The following LARGE1 variants were observed in gnomAD, a reference collection of about 807,000 sequenced individuals.
The protein encoded by LARGE1 is xylosyl- and glucuronyltransferase LARGE1.
LARGE1 carries 43 observed loss-of-function variants against 87.6 expected under a neutral mutation model. The ratio of observed to expected loss-of-function variants is 0.49; its 90% CI spans 0.38 to 0.63. LARGE1 has a LOEUF of 0.63. Among genes scored for constraint, LARGE1 ranks in the 30% least tolerant of loss-of-function variants. The pLI, the probability that LARGE1 is intolerant of heterozygous loss-of-function variation, is 0.00. For missense variants in LARGE1, 802 were observed against 1,000.2 expected, an observed-to-expected ratio of 0.80 and a Z score of 2.67; for synonymous variants, 434 against 394.6, an observed-to-expected ratio of 1.10 and a Z score of -1.18.
chr22:33,638,870 A>AGTAC (rs2080346939), intron 3 of LARGE1, among the ~76,000 whole-genome samples: 1 of 152,244 alleles, frequency 6.6e-6, no homozygotes, highest in South Asian at 2.1e-4. Context: ...AGGAAAAATG[A>AGTAC]GTACTTCCTT....
At chr22:33,181,534 CTT>C (rs137369) in intron 11 of LARGE1, among the ~76,000 whole-genome samples, 3 of 145,982 alleles carry the variant, frequency 2.1e-5, no homozygotes, top group Admixed American at 6.9e-5. Flanking sequence ...CTACATTACT[CTT>C]TTTTTTTTTT....
chr22:33,425,099 T>C lies in LARGE1; in HGVS notation c.892+7062A>G, dbSNP rs567577816. Reference sequence around the variant, plus strand: ...CAACGTGGTGAAACCTCACCTCCACTAAAAATACAAAAATTAGCCAGGTGT... The same window carrying C: ...CAACGTGGTGAAACCTCACCTCCACCAAAAATACAAAAATTAGCCAGGTGT... On this transcript the variant is annotated intron_variant, in intron 7 of 14. Coordinates refer to ENST00000397394, the MANE Select transcript of LARGE1 (RefSeq NM_133642.5). 8.6e-5 allele frequency among the ~76,000 whole-genome samples: 13 copies of C among 151,834 alleles called. No individual in the cohort carries two copies. The East Asian group carries it at 2.5e-3, about 30-fold the overall frequency.
intron 2 of LARGE1, among the ~76,000 whole-genome samples, chr22:33,671,551 A>T (rs1382366101): frequency 6.6e-6 from 1 of 152,224 alleles, no homozygotes; most frequent in Non-Finnish European, 1.5e-5. Flanking sequence ...TATTATTACC[A>T]AAGCTTATGC....
intron 2 of LARGE1, among the ~76,000 whole-genome samples, chr22:33,704,289 T>TA (rs2082491353): frequency 6.6e-6 from 1 of 152,226 alleles, no homozygotes; most frequent in Non-Finnish European, 1.5e-5. Context: ...TGTGACCCAG[T>TA]ACAAGCACGG....
At chr22:33,412,373 T>A (rs2066335306) in intron 7 of LARGE1, among the ~76,000 whole-genome samples, 1 of 151,996 alleles carries the variant, frequency 6.6e-6, no homozygotes, top group Admixed American at 6.6e-5. Flanking sequence ...AAGAAAGAAA[T>A]CCCCTGATGG....
intron 4 of LARGE1, among the ~76,000 whole-genome samples, chr22:33,607,914 G>C (rs1244074954): frequency 6.6e-6 from 1 of 152,282 alleles, no homozygotes; most frequent in East Asian, 1.9e-4. Flanking sequence ...CATGCTCAGG[G>C]GAAAGGGGCA....
At chr22:33,160,342 C>A (rs1347938514), downstream of LARGE1, among the ~76,000 whole-genome samples, 3 of 152,098 alleles carry the variant, frequency 2.0e-5, no homozygotes, top group East Asian at 5.8e-4. Flanking sequence ...AGAAGCTGAC[C>A]CTTCCATATT....
At chr22:33,331,862 T>C (rs567633582) in intron 10 of LARGE1, among the ~76,000 whole-genome samples, 1 of 152,276 alleles carries the variant, frequency 6.6e-6, no homozygotes, top group East Asian at 1.9e-4. Context: ...CCTTCACTCC[T>C]ACTTATTCAA....
the LARGE1 span, among the ~76,000 whole-genome samples, chr22:33,073,000 G>A: frequency 6.6e-5 from 10 of 152,104 alleles, no homozygotes; most frequent in Non-Finnish European, 1.2e-4. Context: ...TCCTGCGGCC[G>A]TCTCGAGGGA....
At chr22:33,839,926 A>C (rs1224131751) in intron 1 of LARGE1, among the ~76,000 whole-genome samples, 1 of 152,190 alleles carries the variant, frequency 6.6e-6, no homozygotes, top group Non-Finnish European at 1.5e-5. Flanking sequence ...CCAGGCTTCA[A>C]ACCCAGATGC....
intron 3 of LARGE1, among the ~76,000 whole-genome samples, chr22:33,641,419 G>A (rs1425242530): frequency 6.6e-6 from 1 of 152,126 alleles, no homozygotes; most frequent in Non-Finnish European, 1.5e-5. Context: ...CTACGAAGAT[G>A]AAGAAAAACC....
chr22:33,327,607 G>A (rs1307370602), intron 10 of LARGE1, among the ~76,000 whole-genome samples: 1 of 152,212 alleles, frequency 6.6e-6, no homozygotes. Flanking sequence ...TCAGGCTAGA[G>A]TGTGGTGGTG....
chr22:33,691,697 C>T (rs1020304155), intron 2 of LARGE1, among the ~76,000 whole-genome samples: 1 of 152,182 alleles, frequency 6.6e-6, no homozygotes, highest in Non-Finnish European at 1.5e-5. Flanking sequence ...TAAGCATTTG[C>T]AAAGGCCATG....
chr22:33,705,361 C>A (rs906122384), intron 2 of LARGE1, among the ~76,000 whole-genome samples: 2 of 152,144 alleles, frequency 1.3e-5, no homozygotes, highest in Non-Finnish European at 2.9e-5. Context: ...GTTGAAGGGT[C>A]TATCATGGAG....
intron 6 of LARGE1, among the ~76,000 whole-genome samples, chr22:33,496,932 T>C (rs891065015): frequency 6.6e-6 from 1 of 152,208 alleles, no homozygotes; most frequent in Non-Finnish European, 1.5e-5. Context: ...TTGCTTTCTG[T>C]TTATTTTTGT....
At chr22:33,750,522 G>C (rs1178848792) in intron 2 of LARGE1, 4 of 151,814 alleles carry the variant, frequency 2.6e-5, no homozygotes, top group Non-Finnish European at 5.9e-5. Flanking sequence ...TATTGTTATA[G>C]TTTAAATAGT....
intron 2 of LARGE1, among the ~76,000 whole-genome samples, chr22:33,663,796 C>T (rs2081195203): frequency 6.6e-6 from 1 of 152,194 alleles, no homozygotes; most frequent in African/African-American, 2.4e-5. Context: ...TCAGGAGCCC[C>T]TACATATACA....
At chr22:33,861,780 A>G (rs951368517) in intron 1 of LARGE1, among the ~76,000 whole-genome samples, 2 of 151,646 alleles carry the variant, frequency 1.3e-5, no homozygotes, top group African/African-American at 4.8e-5. Context: ...AATGAGCCAC[A>G]TGGCCCTAGA....
At chr22:33,513,838 C>A (rs1392104144) in intron 6 of LARGE1, among the ~76,000 whole-genome samples, 5 of 151,730 alleles carry the variant, frequency 3.3e-5, no homozygotes, top group Admixed American at 3.3e-4. Flanking sequence ...CACACACACA[C>A]ACACACACGA....
Sources: allele counts gnomAD v4.1 joint callset (sites outside exome capture counted in the v4.1 genomes callset), GRCh38; gene constraint gnomAD v4.1.1; transcripts MANE v1.5; gene names NCBI Gene and HGNC (gene_info 2026-07-23, HGNC 2026-07-21).